The following SACM1L variants were observed in gnomAD, a reference collection of about 807,000 sequenced individuals.
The protein encoded by SACM1L is SAC1 like phosphatidylinositide phosphatase.
Under a neutral mutation model 89.5 loss-of-function variants are expected in SACM1L, and 32 were observed. The observed-to-expected ratio is 0.36, with a 90% confidence interval of 0.27 to 0.48. SACM1L has a LOEUF of 0.48. Among genes scored for constraint, SACM1L ranks in the 20% least tolerant of loss-of-function variants. The pLI is 0.99. For synonymous variants in SACM1L, 213 were observed against 232.8 expected, an observed-to-expected ratio of 0.92 and a Z score of 0.77; for missense variants, 543 against 708.5, an observed-to-expected ratio of 0.77 and a Z score of 2.65.
At chr3:45,719,840 C>A (rs1333013198) in intron 8 of SACM1L, among the ~76,000 whole-genome samples, 1 of 152,138 alleles carries the variant, frequency 6.6e-6, no homozygotes, top group Non-Finnish European at 1.5e-5. Flanking sequence ...AGGAACTGAT[C>A]ATGTTGTTTG....
In SACM1L at chr3:45,735,227, T is replaced by C. The variant is rs769801714; in HGVS notation, c.1101-8T>C. The C allele has an allele frequency of 1.2e-6, 2 of 1,602,100 alleles. No individual in the cohort carries two copies. The highest frequency in any genetic ancestry group is 1.8e-5 in the Admixed American group (1 of 56,288). On this transcript the variant is annotated splice_region_variant and splice_polypyrimidine_tract_variant and intron_variant, in intron 13 of 19. Transcript: ENST00000389061. ...TGGTATGAGAGTGTTTATACAAATA[T>C]GTTTTAGTTATTTTCTAGTGGACTC...
At chr3:45,716,725 T>G (rs1177495915) in intron 7 of SACM1L, among the ~76,000 whole-genome samples, 2 of 151,512 alleles carry the variant, frequency 1.3e-5, no homozygotes, top group Non-Finnish European at 2.9e-5. Flanking sequence ...GAGGGAGAAA[T>G]GTTGCATGTT....
At chr3:45,716,460 C>G (rs535133479) in intron 7 of SACM1L, among the ~76,000 whole-genome samples, 1 of 152,108 alleles carries the variant, frequency 6.6e-6, no homozygotes, top group Non-Finnish European at 1.5e-5. Flanking sequence ...CAGCGCAAGA[C>G]CTCTACTCAA....
chr3:45,721,885 T>C (rs1698795884), intron 8 of SACM1L, 115 bp from the exon 9 acceptor site: 1 of 668,340 alleles, frequency 1.5e-6, no homozygotes, highest in Non-Finnish European at 2.6e-6. Flanking sequence ...TCATAATGAC[T>C]TTTCCACTAA....
chr3:45,709,660 T>C lies in SACM1L; in HGVS notation c.483+13T>C. 3 of 1,586,420 alleles carry C rather than the reference T, an allele frequency of 1.9e-6. No individual in the cohort carries two copies. Among genetic ancestry groups the C allele is most frequent in the Non-Finnish European group, 2.6e-6 (3 of 1,171,696 alleles). On this transcript the variant is annotated intron_variant, in intron 5 of 19. Transcript: ENST00000389061. The stretch of plus-strand genomic sequence containing the variant: ...TCTCTTGGAAAGGGTAAGCTTGATC[T>C]TCAATTATTTTTATTTTTAGGTTTT...
intron 1 of SACM1L, among the ~76,000 whole-genome samples, chr3:45,701,874 T>C (rs938666637): frequency 3.9e-5 from 6 of 152,206 alleles, no homozygotes; most frequent in Non-Finnish European, 5.9e-5. Flanking sequence ...CTTAAGACTT[T>C]TATACAAGAA....
At chr3:45,704,698 A>T (rs1282655230) in intron 2 of SACM1L, among the ~76,000 whole-genome samples, 2 of 152,214 alleles carry the variant, frequency 1.3e-5, no homozygotes, top group Non-Finnish European at 2.9e-5. Flanking sequence ...ACCCATTTGA[A>T]TAGACTGAAA....
chr3:45,710,500 C>CCT (rs1251935649), intron 5 of SACM1L, among the ~76,000 whole-genome samples: 1 of 134,142 alleles, frequency 7.5e-6, no homozygotes, highest in African/African-American at 2.8e-5. Flanking sequence ...CCCAGTCTGC[C>CCT]TTTTTTTTTT....
Position 45,706,831 on chromosome 3 carries a change from G to A in SACM1L, c.257G>A (p.Ser86Asn), listed in dbSNP as rs1238974042. ...TKKIKVGEFF[S>N]HVVWKATDFD... is the part of the protein sequence containing the mutation. ...AAGATAAAAGTAGGTGAATTTTTCA[G>A]TCATGTAGTCTGGAAAGCAACAGAT... Residue 86 changes from serine (S) to asparagine (N), a missense_variant, in exon 4 of 20, where the codon AGT (serine) becomes AAT (asparagine). Physicochemically the swap from Ser to Asn is conservative, Grantham distance 46. Transcript: ENST00000389061. The A allele has an allele frequency of 1.2e-6, 2 of 1,612,776 alleles. No individual in the cohort carries two copies. The highest frequency in any genetic ancestry group is 1.7e-6 in the Non-Finnish European group (2 of 1,179,118).
At chr3:45,722,755 T>G in intron 9 of SACM1L, 114 bp from the exon 10 acceptor site, 1 of 663,736 alleles carries the variant, frequency 1.5e-6, no homozygotes, top group Non-Finnish European at 2.5e-6. Flanking sequence ...TGTCGGTAGA[T>G]TGTATTAGTT....
At chr3:45,724,298 G>GGT (rs61075879) in intron 11 of SACM1L, among the ~76,000 whole-genome samples, 23,958 of 139,562 alleles carry the variant, frequency 0.17, 3,970 homozygotes, top group African/African-American at 0.45. Flanking sequence ...GTTGTTTTCT[G>GGT]GTGTGTGTGT....
chr3:45,722,748 C>T (rs371944517), intron 9 of SACM1L, 121 bp from the exon 10 acceptor site: 39 of 627,772 alleles, frequency 6.2e-5, no homozygotes, highest in Non-Finnish European at 9.2e-5. Context: ...TTAAAGTTGT[C>T]GGTAGATTGT....
At chr3:45,703,338 AATG>A (rs1216283222) in intron 1 of SACM1L, 97 bp from the exon 2 acceptor site, 17 of 768,640 alleles carry the variant, frequency 2.2e-5, no homozygotes, top group Non-Finnish European at 3.7e-5. Context: ...AAGCTGGGAA[AATG>A]ATGTCAAATT....
chr3:45,689,513 C>A lies in SACM1L; in HGVS notation c.32+16C>A. The A allele has an allele frequency of 6.4e-7, 1 of 1,572,184 alleles. No individual in the cohort carries two copies. The highest frequency in any genetic ancestry group is 8.6e-7 in the Non-Finnish European group (1 of 1,159,566). On this transcript the variant is annotated intron_variant, in intron 1 of 19. Coordinates refer to ENST00000389061, the MANE Select transcript of SACM1L (RefSeq NM_014016.5). ...AGCTGAAGCTGTGAGTCCCACGGGC[C>A]AGAGGCCTGAGGCGCGGCGGGCGGG...
At chr3:45,719,880 G>A (rs989914278) in intron 8 of SACM1L, among the ~76,000 whole-genome samples, 2 of 152,152 alleles carry the variant, frequency 1.3e-5, no homozygotes, top group South Asian at 2.1e-4. Context: ...GCTGAACTCA[G>A]TGTAGTTTTC....
At chr3:45,712,991 T>C (rs1044621119) in intron 5 of SACM1L, 146 bp from the exon 6 acceptor site, 7 of 597,622 alleles carry the variant, frequency 1.2e-5, no homozygotes, top group Non-Finnish European at 2.0e-5. Flanking sequence ...GAGGTACAGA[T>C]TTGCGGGGGA....
chr3:45,714,139 A>T (rs767390774), intron 7 of SACM1L, 60 bp downstream of exon 7: 24 of 1,069,304 alleles, frequency 2.2e-5, no homozygotes, highest in Non-Finnish European at 3.0e-5. Context: ...TTTTATTATA[A>T]GGCAGATTTA....
rs1699367278 is a variant in SACM1L, at chr3:45,743,732, C to T, written c.*63C>T. 4 of 1,537,340 alleles carry T rather than the reference C, an allele frequency of 2.6e-6. No homozygotes were observed. Among genetic ancestry groups the T allele is most frequent in the Non-Finnish European group, 3.5e-6 (4 of 1,142,636 alleles). On this transcript the variant is annotated 3_prime_UTR_variant, in exon 20 of 20. Transcript: ENST00000389061. ...CCATTGTGCAGAACTGGAGTCTTTA[C>T]TGACCCGCTTTCCACATCAGCCCAA...
At chr3:45,720,612 T>C (rs1698767328) in intron 8 of SACM1L, among the ~76,000 whole-genome samples, 1 of 152,190 alleles carries the variant, frequency 6.6e-6, no homozygotes, top group Non-Finnish European at 1.5e-5. Context: ...GCAAATCTTT[T>C]CATAAAGATC....
Sources: allele counts gnomAD v4.1 joint callset (sites outside exome capture counted in the v4.1 genomes callset), GRCh38; gene constraint gnomAD v4.1.1; transcripts MANE v1.5; gene names NCBI Gene and HGNC (gene_info 2026-07-23, HGNC 2026-07-21).